TMEM255B: variants seen among roughly 807,000 people sequenced by gnomAD.
The protein encoded by TMEM255B is family with sequence similarity 70, member B.
TMEM255B carries 35 observed loss-of-function variants against 34.5 expected under a neutral mutation model. That is an observed-to-expected ratio of 1.01 (90% CI 0.77 to 1.34). The LOEUF is 1.34. Ranked by LOEUF, TMEM255B falls within the 40% of genes most tolerant of loss-of-function variation. The probability of loss-of-function intolerance (pLI) is 0.00; values close to 1 mark genes in which losing one functional copy is unlikely to be tolerated. For synonymous variants in TMEM255B, 206 were observed against 201.2 expected (o/e 1.02, Z -0.20); for missense variants, 432 against 433.2 (o/e 1.00, Z 0.02).
At chr13:113,797,407 G>A (rs79430782) in intron 4 of TMEM255B, among the ~76,000 whole-genome samples, 1 of 152,328 alleles carries the variant, frequency 6.6e-6, no homozygotes, top group Non-Finnish European at 1.5e-5. Flanking sequence ...ACTGTTGAGA[G>A]AGGCCGAGGA....
At chr13:113,759,770 G>C (rs749797478) in intron 1 of TMEM255B, among the ~76,000 whole-genome samples, 53 of 152,188 alleles carry the variant, frequency 3.5e-4, no homozygotes, top group Non-Finnish European at 6.0e-4. Context: ...GCCTTTTCCT[G>C]TTTGAACGTG....
chr13:113,800,925 G>A lies in TMEM255B; in HGVS notation c.509+13G>A, dbSNP rs371072437. 90 of 1,196,254 alleles carry A rather than the reference G, an allele frequency of 7.5e-5. 2 individuals are homozygous for A. Among genetic ancestry groups the A allele is most frequent in the South Asian group, 7.3e-4 (56 of 76,484 alleles). 74.1% of individuals were successfully genotyped at this position (1,196,254 alleles called of 1,614,324 possible). On this transcript the variant is annotated intron_variant, in intron 6 of 8. Transcript: ENST00000375353. ...ATGCCTGCGGGAGGTGAGGGGCACC[G>A]GGGACCCCCATATCTACACCTGCGG...
In TMEM255B at chr13:113,806,581, A is replaced by G. The variant is rs2051176430; in HGVS notation, c.813+1553A>G. ...TGTGACGGGGGAAGATGTGGTCCCCAGGGTCAGATGGCGGGAGCTTTTGCC... is the reference window on the plus strand; with the variant it reads ...TGTGACGGGGGAAGATGTGGTCCCCGGGGTCAGATGGCGGGAGCTTTTGCC... On this transcript the variant is annotated intron_variant, in intron 8 of 8. Transcript: ENST00000375353. This position sits in a 1 kb window ranked among gnomAD's most constrained non-coding sequence, Gnocchi z 4.2. 6.6e-6 allele frequency among the ~76,000 whole-genome samples: 1 copy of G among 152,298 alleles called. No individual in the cohort carries two copies. Among genetic ancestry groups the G allele is most frequent in the African/African-American group, 2.4e-5 (1 of 41,564 alleles).
At chr13:113,797,111 G>A (rs573607375) in intron 4 of TMEM255B, among the ~76,000 whole-genome samples, 1 of 152,278 alleles carries the variant, frequency 6.6e-6, no homozygotes, top group South Asian at 2.1e-4. Flanking sequence ...GTCTCTGACC[G>A]CAGTCGGGGG....
At chr13:113,796,038 GCA>G (rs2050925304) in intron 4 of TMEM255B, among the ~76,000 whole-genome samples, 1 of 109,190 alleles carries the variant, frequency 9.2e-6, no homozygotes, top group South Asian at 3.1e-4. Context: ...CCATAACAGA[GCA>G]CACAGCACAC....
Position 113,769,109 on chromosome 13 carries a change from ATCTT to A in TMEM255B, c.206_209del (p.Phe69Ter). 6.2e-7 allele frequency: 1 copy of A among 1,614,200 alleles called. No individual in the cohort carries two copies. The highest frequency in any genetic ancestry group is 8.5e-7 in the Non-Finnish European group (1 of 1,180,018). Reference sequence around the variant, plus strand: ...TCCTTTGGTTTTAGCTCGGCTTTGGATCTTTCTTAGGAATTATTGGCATCAACTT... The same window carrying A: ...TCCTTTGGTTTTAGCTCGGCTTTGGATCTTAGGAATTATTGGCATCAACTT... On this transcript the variant is annotated frameshift_variant, in exon 3 of 9. Transcript: ENST00000375353. LOFTEE classifies it high-confidence loss of function. This position sits in a 1 kb window ranked among gnomAD's most constrained non-coding sequence, Gnocchi z 4.2.
At chr13:113,800,958 G>A (rs756090015) in intron 6 of TMEM255B, 46 bp downstream of exon 6, 1 of 1,174,532 alleles carries the variant, frequency 8.5e-7, no homozygotes, top group Non-Finnish European at 1.2e-6. Flanking sequence ...CGGGAGGTGA[G>A]GGGCGCTGGG....
At chr13:113,772,136 A>G (rs748627961) in intron 3 of TMEM255B, among the ~76,000 whole-genome samples, 1 of 152,154 alleles carries the variant, frequency 6.6e-6, no homozygotes, top group South Asian at 2.1e-4. Flanking sequence ...GGCCGTTTGC[A>G]TATGTTCTTG....
chr13:113,766,048 G>A, intron 1 of TMEM255B, 67 bp from the exon 2 acceptor site: 5 of 1,597,338 alleles, frequency 3.1e-6, no homozygotes, highest in East Asian at 2.2e-5. Flanking sequence ...ACGGCCCAGA[G>A]CCTGCTGGCC....
At chr13:113,809,130 T>G (rs2051250097) in intron 8 of TMEM255B, among the ~76,000 whole-genome samples, 1 of 94,032 alleles carries the variant, frequency 1.1e-5, no homozygotes, top group Non-Finnish European at 2.1e-5. Context: ...CTGTGGTTCC[T>G]GGGGGGAGGG....
chr13:113,770,055 C>T lies in TMEM255B; in HGVS notation c.252+895C>T, dbSNP rs2050453120. On this transcript the variant is annotated intron_variant, in intron 3 of 8. Coordinates refer to ENST00000375353, the MANE Select transcript of TMEM255B (RefSeq NM_182614.4). This position sits in a 1 kb window ranked among gnomAD's most constrained non-coding sequence, Gnocchi z 4.6. ...GGGCCGCGGTGTATGCCCTCGGAAC[C>T]CTGTATGTTAGTCTGTTTTCACACT... Among the ~76,000 whole-genome samples the T allele has an allele frequency of 6.6e-6, 1 of 152,118 alleles. No individual in the cohort carries two copies. Among genetic ancestry groups the T allele is most frequent in the African/African-American group, 2.4e-5 (1 of 41,412 alleles).
In TMEM255B at chr13:113,800,924, C is replaced by T. The variant is rs114746443; in HGVS notation, c.509+12C>T. ...TATGCCTGCGGGAGGTGAGGGGCAC[C>T]GGGGACCCCCATATCTACACCTGCG... On this transcript the variant is annotated intron_variant, in intron 6 of 8. Transcript: ENST00000375353. 4,988 of 1,193,820 alleles carry T rather than the reference C, an allele frequency of 4.2e-3. 38 individuals carry two copies. Among genetic ancestry groups the T allele is most frequent in the African/African-American group, 9.4e-3 (370 of 39,424 alleles). The allele number at this position is 1,193,820 out of a possible 1,614,324, so 74.0% of individuals were successfully genotyped here.
intron 3 of TMEM255B, among the ~76,000 whole-genome samples, chr13:113,784,758 A>G (rs2050715751): frequency 6.6e-6 from 1 of 152,102 alleles, no homozygotes. Context: ...GTGAGAGAAA[A>G]GACAAGGCAG....
At chr13:113,759,424 C>G (rs1251341840) in intron 1 of TMEM255B, 109 bp downstream of exon 1, 8 of 1,020,168 alleles carry the variant, frequency 7.8e-6, no homozygotes, top group African/African-American at 3.3e-5. Flanking sequence ...CGCGGAGACG[C>G]GGCACGGGGT....
intron 3 of TMEM255B, among the ~76,000 whole-genome samples, chr13:113,785,771 C>T (rs563500416): frequency 6.6e-6 from 1 of 152,222 alleles, no homozygotes; most frequent in African/African-American, 2.4e-5. Context: ...GTCCTCTTCT[C>T]GATGAAGGGA....
intron 2 of TMEM255B, among the ~76,000 whole-genome samples, chr13:113,767,336 C>G (rs2050407599): frequency 6.6e-6 from 1 of 152,178 alleles, no homozygotes; most frequent in South Asian, 2.1e-4. Context: ...AAAGCTTTAT[C>G]AGTAAAATTG....
At chr13:113,808,101 A>C (rs545653115) in intron 8 of TMEM255B, among the ~76,000 whole-genome samples, 51 of 152,296 alleles carry the variant, frequency 3.3e-4, no homozygotes, top group African/African-American at 1.2e-3. Context: ...TGCTCCTCAG[A>C]AGAACAATGG....
intron 5 of TMEM255B, among the ~76,000 whole-genome samples, chr13:113,800,446 G>A (rs2138573215): frequency 6.6e-6 from 1 of 152,138 alleles, no homozygotes; most frequent in South Asian, 2.1e-4. Context: ...AGCGCCCTGG[G>A]ACGGGGCCTG....
In TMEM255B at chr13:113,815,816, G is replaced by A. The variant is rs9577874; in HGVS notation, c.*3913G>A. The stretch of plus-strand genomic sequence containing the variant: ...ACCCAGCCACAGAGAGGGAGAGGAC[G>A]TGGCCCATCCACACGCGGGTCACCC... On this transcript the variant is annotated 3_prime_UTR_variant, in exon 9 of 9. Transcript: ENST00000375353. 72,649 of 153,098 alleles carry A rather than the reference G, an allele frequency of 0.47. 18,046 individuals carry two copies. The highest frequency in any genetic ancestry group is 0.62 in the African/African-American group (25,876 of 41,442). 9.5% of individuals were successfully genotyped at this position (153,098 alleles called of 1,614,324 possible).
Sources: gnomAD v4.1 joint callset for allele counts (sites outside exome capture counted in the v4.1 genomes callset) on GRCh38, gnomAD v4.1.1 for gene constraint, Gnocchi (gnomAD v3.1) non-coding constraint, MANE v1.5 for transcripts, NCBI Gene and HGNC (gene_info 2026-07-23, HGNC 2026-07-21) for gene names.